CAMTA1: variants seen among roughly 807,000 people sequenced by gnomAD.
CAMTA1 encodes the protein calmodulin binding transcription activator 1.
In CAMTA1, 27 loss-of-function variants were observed where a neutral mutation model predicts 170.9. The observed-to-expected ratio is 0.16, with a 90% confidence interval of 0.12 to 0.22. CAMTA1 has a LOEUF of 0.22. Among genes scored for constraint, CAMTA1 ranks in the 10% least tolerant of loss-of-function variants. The probability of loss-of-function intolerance (pLI) is 1.00; values close to 1 mark genes in which losing one functional copy is unlikely to be tolerated. For synonymous variants in CAMTA1, 833 were observed against 891.5 expected (o/e 0.93, Z 1.17); for missense variants, 1,619 against 2,217.2 (o/e 0.73, Z 5.42).
At chr1:7,596,186 G>A (rs891570284) in intron 6 of CAMTA1, among the ~76,000 whole-genome samples, 1 of 152,208 alleles carries the variant, frequency 6.6e-6, no homozygotes, top group Admixed American at 6.5e-5. Flanking sequence ...TGCAAGTGGG[G>A]CATCAGTGCC....
Position 7,663,716 on chromosome 1 carries a change from T to C in CAMTA1, c.1169T>C (p.Met390Thr), listed in dbSNP as rs1357042536. The C allele has an allele frequency of 6.2e-7, 1 of 1,613,842 alleles. No homozygotes were observed. The highest frequency in any genetic ancestry group is 8.5e-7 in the Non-Finnish European group (1 of 1,179,980). The change falls in exon 9 of 23, where the codon ATG becomes ACG. Residue 390 changes from methionine to threonine, a missense_variant. Coordinates refer to ENST00000303635, the MANE Select transcript of CAMTA1 (RefSeq NM_015215.4). ...GVSGMAVASV[M>T]GSLSQSATVF... ...TCCGGTATGGCGGTGGCCTCTGTGA[T>C]GGGGAGCTTGTCCCAGAGCGCCACG...
At chr1:6,937,023 C>A (rs1256377635) in intron 3 of CAMTA1, among the ~76,000 whole-genome samples, 1 of 152,000 alleles carries the variant, frequency 6.6e-6, no homozygotes, top group Non-Finnish European at 1.5e-5. Flanking sequence ...GAGGATTCCA[C>A]TGCCGTCTCC....
intron 5 of CAMTA1, among the ~76,000 whole-genome samples, chr1:7,366,754 C>T (rs1007974098): frequency 3.9e-5 from 6 of 152,226 alleles, no homozygotes; most frequent in Non-Finnish European, 7.3e-5. Flanking sequence ...CAGCCTTGTG[C>T]GTTGACAGGA....
At chr1:6,930,254 A>G (rs968600456) in intron 3 of CAMTA1, among the ~76,000 whole-genome samples, 3 of 152,082 alleles carry the variant, frequency 2.0e-5, no homozygotes, top group Non-Finnish European at 2.9e-5. Flanking sequence ...CTGGGATCCA[A>G]GTCTTCTCTG....
intron 7 of CAMTA1, among the ~76,000 whole-genome samples, chr1:7,646,007 G>A (rs1044021650): frequency 3.3e-5 from 5 of 152,248 alleles, no homozygotes; most frequent in African/African-American, 1.2e-4. Context: ...AGGCCATCCT[G>A]AATGTGGGGT....
chr1:7,108,027 C>T (rs1643781096), intron 4 of CAMTA1, among the ~76,000 whole-genome samples: 1 of 152,148 alleles, frequency 6.6e-6, no homozygotes, highest in African/African-American at 2.4e-5. Context: ...TGTCTGGAGA[C>T]ATTTTTGGTG....
intron 5 of CAMTA1, among the ~76,000 whole-genome samples, chr1:7,422,998 A>C (rs2149323190): frequency 6.6e-6 from 1 of 152,376 alleles, no homozygotes; most frequent in Non-Finnish European, 1.5e-5. Context: ...GTGCCATTTA[A>C]GTGTTTTGAA....
chr1:7,460,205 G>A (rs905057047), intron 5 of CAMTA1, among the ~76,000 whole-genome samples: 3 of 152,234 alleles, frequency 2.0e-5, no homozygotes, highest in Non-Finnish European at 4.4e-5. Context: ...TCCCGTGGCG[G>A]CCCCTCTGCT....
chr1:7,265,873 C>T (rs1390767537), intron 5 of CAMTA1, among the ~76,000 whole-genome samples: 1 of 152,150 alleles, frequency 6.6e-6, no homozygotes, highest in East Asian at 1.9e-4. Context: ...ACTGGTCCTG[C>T]GTCAGGCTCT....
At chr1:6,798,551 G>GGGAC in intron 1 of CAMTA1, among the ~76,000 whole-genome samples, 1 of 150,682 alleles carries the variant, frequency 6.6e-6, no homozygotes, top group Non-Finnish European at 1.5e-5. Flanking sequence ...TTGGGTAGCT[G>GGGAC]GGACCACAGG....
intron 3 of CAMTA1, among the ~76,000 whole-genome samples, chr1:6,903,200 G>A (rs754791586): frequency 2.0e-5 from 3 of 152,158 alleles, no homozygotes; most frequent in Non-Finnish European, 2.9e-5. Context: ...ATCCAAGAAC[G>A]GATGAGACCA....
In CAMTA1 at chr1:7,187,337, G is replaced by A. The variant is rs189395761; in HGVS notation, c.303-62154G>A. Among the ~76,000 whole-genome samples, 99 of 152,232 alleles carry A rather than the reference G, an allele frequency of 6.5e-4. No individual in the cohort carries two copies. In the Middle Eastern group the frequency reaches 0.014, roughly 21 times the overall value. ...TCACTGGGAAGGATTGCCAACTGCTGTTTCTCGGAAAGAACTACTTTTATG... is the reference window on the plus strand; with the variant it reads ...TCACTGGGAAGGATTGCCAACTGCTATTTCTCGGAAAGAACTACTTTTATG... On this transcript the variant is annotated intron_variant, in intron 4 of 22. Transcript: ENST00000303635.
intron 3 of CAMTA1, among the ~76,000 whole-genome samples, chr1:7,073,868 G>C (rs977705627): frequency 6.6e-6 from 1 of 152,188 alleles, no homozygotes; most frequent in Admixed American, 6.5e-5. Context: ...GGAGTATAAG[G>C]ATGGAATAGT....
At chr1:7,345,247 A>G (rs76243016) in intron 5 of CAMTA1, among the ~76,000 whole-genome samples, 2 of 152,184 alleles carry the variant, frequency 1.3e-5, no homozygotes, top group African/African-American at 4.8e-5. Flanking sequence ...CAGTGTTCTC[A>G]ATATTTCACA....
At chr1:6,891,538 G>A (rs1358925710) in intron 3 of CAMTA1, among the ~76,000 whole-genome samples, 1 of 152,156 alleles carries the variant, frequency 6.6e-6, no homozygotes, top group Admixed American at 6.5e-5. Flanking sequence ...TACAGCTAAT[G>A]AGTTGTGCAG....
chr1:7,425,345 T>C (rs184643390), intron 5 of CAMTA1, among the ~76,000 whole-genome samples: 1 of 152,200 alleles, frequency 6.6e-6, no homozygotes, highest in African/African-American at 2.4e-5. Context: ...AGCGGGGCTC[T>C]TGGCATTATG....
intron 5 of CAMTA1, among the ~76,000 whole-genome samples, chr1:7,413,300 T>C (rs1575181020): frequency 6.6e-6 from 1 of 152,294 alleles, no homozygotes; most frequent in East Asian, 1.9e-4. Context: ...AAGAAAGCCA[T>C]TGGTAGCTTG....
chr1:7,605,546 G>A (rs373203299), intron 6 of CAMTA1, among the ~76,000 whole-genome samples: 34 of 152,328 alleles, frequency 2.2e-4, no homozygotes, highest in African/African-American at 7.7e-4. Context: ...TGCAGTATTA[G>A]GGTGGGAGTG....
Position 7,635,404 on chromosome 1 carries a change from G to A in CAMTA1, c.511-4996G>A, listed in dbSNP as rs546642895. On this transcript the variant is annotated intron_variant, in intron 6 of 22. Coordinates refer to ENST00000303635, the MANE Select transcript of CAMTA1 (RefSeq NM_015215.4). This position sits in a 1 kb window ranked among gnomAD's most constrained non-coding sequence, Gnocchi z 4.4. Reference sequence around the variant, plus strand: ...AGGCAGATCACGAGATCGGGACACCGAGACTATCCTGGCTAACACGGTGAA... The same window carrying A: ...AGGCAGATCACGAGATCGGGACACCAAGACTATCCTGGCTAACACGGTGAA... Among the ~76,000 whole-genome samples the A allele has an allele frequency of 3.3e-5, 5 of 152,186 alleles. No individual in the cohort carries two copies. Among genetic ancestry groups the A allele is most frequent in the African/African-American group, 4.8e-5 (2 of 41,526 alleles).
Sources: gnomAD v4.1 joint callset for allele counts (sites outside exome capture counted in the v4.1 genomes callset) on GRCh38, gnomAD v4.1.1 for gene constraint, Gnocchi (gnomAD v3.1) non-coding constraint, MANE v1.5 for transcripts, NCBI Gene and HGNC (gene_info 2026-07-23, HGNC 2026-07-21) for gene names.